The following PDE10A variants were observed in gnomAD, a reference collection of about 807,000 sequenced individuals.
PDE10A encodes the protein phosphodiesterase 10A.
PDE10A carries 39 observed loss-of-function variants against 97.7 expected under a neutral mutation model. The observed-to-expected ratio is 0.40, with a 90% CI of 0.31 to 0.52. PDE10A has a LOEUF of 0.52. Among genes scored for constraint, PDE10A ranks in the 20% least tolerant of loss-of-function variants. The pLI, the probability that PDE10A is intolerant of heterozygous loss-of-function variation, is 0.56. For missense variants in PDE10A, 731 were observed against 1,047.8 expected, an observed-to-expected ratio of 0.70 and a Z score of 4.17; for synonymous variants, 371 against 376.8, an observed-to-expected ratio of 0.98 and a Z score of 0.18.
chr6:165,459,514 T>TAGAC (rs1778173515), intron 3 of PDE10A, among the ~76,000 whole-genome samples: 2 of 64,192 alleles, frequency 3.1e-5, no homozygotes, highest in South Asian at 1.0e-3. Context: ...GATAGATAGA[T>TAGAC]AGATAGATAG....
intron 2 of PDE10A, among the ~76,000 whole-genome samples, chr6:165,507,104 TTTCCCTACCC>T (rs1483774301): frequency 1.3e-5 from 2 of 152,168 alleles, no homozygotes; most frequent in Non-Finnish European, 2.9e-5. Flanking sequence ...TTTATTTCTG[TTTCCCTACCC>T]TGTACTTGTG....
At chr6:165,591,760 A>C (rs1168001226) in intron 1 of PDE10A, among the ~76,000 whole-genome samples, 1 of 152,210 alleles carries the variant, frequency 6.6e-6, no homozygotes, top group Non-Finnish European at 1.5e-5. Context: ...GATATAATCT[A>C]CCTGACATTG....
intron 1 of PDE10A, among the ~76,000 whole-genome samples, chr6:165,560,695 CTGTAACTGCTGACAGTTGTCA>C (rs1384299197): frequency 6.6e-6 from 1 of 152,194 alleles, no homozygotes; most frequent in African/African-American, 2.4e-5. Context: ...TAAGCAAAAA[CTGTAACTGCTGACAGTTGTCA>C]AGTTGTAATC....
At chr6:165,623,526 C>T (rs544056700) in intron 1 of PDE10A, among the ~76,000 whole-genome samples, 1 of 151,918 alleles carries the variant, frequency 6.6e-6, no homozygotes, top group African/African-American at 2.4e-5. Flanking sequence ...ACAGATAAAC[C>T]TAAACATTCT....
chr6:165,572,046 T>A (rs1013758845), intron 1 of PDE10A, among the ~76,000 whole-genome samples: 3 of 152,212 alleles, frequency 2.0e-5, no homozygotes, highest in African/African-American at 7.2e-5. Context: ...TCCGCTTATC[T>A]TTACATCAGA....
chr6:165,618,495 T>C (rs1371203944), intron 1 of PDE10A, among the ~76,000 whole-genome samples: 1 of 152,160 alleles, frequency 6.6e-6, no homozygotes, highest in East Asian at 1.9e-4. Context: ...CACACAGACA[T>C]GGCCCGCCCA....
chr6:165,816,882 C>T (rs1474873014), intron 1 of PDE10A, among the ~76,000 whole-genome samples: 1 of 152,006 alleles, frequency 6.6e-6, no homozygotes, highest in African/African-American at 2.4e-5. Context: ...TGGAAGAGTG[C>T]AGGCAGGAAG....
Position 165,662,167 on chromosome 6 carries a change from C to A in PDE10A, c.645G>T (p.Pro215=). 3.2e-6 allele frequency: 1 copy of A among 317,220 alleles called. No individual in the cohort carries two copies. The highest frequency in any genetic ancestry group is 4.5e-6 in the Non-Finnish European group (1 of 221,126). The allele number at this position is 317,220 out of a possible 1,614,324, so 19.7% of individuals were successfully genotyped here. A position where few individuals can be genotyped will look rare whatever the true frequency, so the allele number is the denominator to read the frequency against. ...CCTGGCCAAGGGGGAGCCGGGGCGG[C>A]GGCGGCGGCCGGGGACCGGCACGGG... ...LPARAGPRPP[P]PPRLPLGQAA... The change falls in exon 1 of 22, where the codon CCG becomes CCT. Residue 215 remains proline (P), a synonymous_variant. Coordinates refer to ENST00000539869, the MANE Select transcript of PDE10A (RefSeq NM_001385079.1).
rs1183755232 is a variant in PDE10A at position 165,418,902 on chromosome 6, A to G, written c.1654-125T>C. 1.5e-6 allele frequency: 1 copy of G among 677,746 alleles called. No individual in the cohort carries two copies. The highest frequency in any genetic ancestry group is 2.9e-5 in the Admixed American group (1 of 34,926). The allele number at this position is 677,746 out of a possible 1,614,324, so 42.0% of individuals were successfully genotyped here. A position where few individuals can be genotyped will look rare whatever the true frequency, so the allele number is the denominator to read the frequency against. The stretch of plus-strand genomic sequence containing the variant: ...ACTCTAATTGGTTGGTATTAGCATT[A>G]TAAGTAAATAAATATACAAGTATAT... On this transcript the variant is annotated intron_variant, in intron 10 of 21. Transcript: ENST00000539869. This position sits in a 1 kb window ranked among gnomAD's most constrained non-coding sequence, Gnocchi z 4.8.
At chr6:165,527,095 TA>T (rs1353500718) in intron 2 of PDE10A, among the ~76,000 whole-genome samples, 1 of 152,184 alleles carries the variant, frequency 6.6e-6, no homozygotes, top group Admixed American at 6.5e-5. Context: ...CTAACCTCAG[TA>T]AAATTTCTAG....
chr6:165,590,760 G>A (rs1287233669), intron 1 of PDE10A, among the ~76,000 whole-genome samples: 3 of 152,086 alleles, frequency 2.0e-5, no homozygotes, highest in African/African-American at 2.4e-5. Flanking sequence ...GCATGGTGGC[G>A]GGCGCCTGTA....
At chr6:165,360,430 C>A (rs1443867316) in intron 18 of PDE10A, among the ~76,000 whole-genome samples, 1 of 152,176 alleles carries the variant, frequency 6.6e-6, no homozygotes, top group Non-Finnish European at 1.5e-5. Context: ...TTATCCTCAA[C>A]TGGATAAATG....
intron 1 of PDE10A, among the ~76,000 whole-genome samples, chr6:165,613,103 T>A (rs1019072748): frequency 2.6e-5 from 4 of 152,240 alleles, no homozygotes; most frequent in Non-Finnish European, 2.9e-5. Context: ...TACTTTAAAC[T>A]AGAAAACAAA....
intron 1 of PDE10A, among the ~76,000 whole-genome samples, chr6:165,921,777 T>C (rs1284030627): frequency 1.3e-5 from 2 of 152,134 alleles, no homozygotes; most frequent in African/African-American, 2.4e-5. Context: ...AGAAAGTGGG[T>C]GCAGAAGGGC....
intron 2 of PDE10A, among the ~76,000 whole-genome samples, chr6:165,505,383 A>G (rs1354534585): frequency 6.6e-6 from 1 of 152,194 alleles, no homozygotes; most frequent in Non-Finnish European, 1.5e-5. Context: ...AACTACTCAC[A>G]TTTCTTATAA....
chr6:165,612,084 A>C (rs1787519362), intron 1 of PDE10A, among the ~76,000 whole-genome samples: 1 of 152,256 alleles, frequency 6.6e-6, no homozygotes, highest in South Asian at 2.1e-4. Context: ...AATCATTATT[A>C]ACGACAAGTA....
chr6:165,828,057 C>T (rs553551192), intron 1 of PDE10A, among the ~76,000 whole-genome samples: 2 of 152,238 alleles, frequency 1.3e-5, no homozygotes, highest in African/African-American at 2.4e-5. Context: ...GATGCTCAGG[C>T]CAGGAGCCTA....
At chr6:165,754,775 T>C (rs906161000) in intron 1 of PDE10A, among the ~76,000 whole-genome samples, 2 of 152,192 alleles carry the variant, frequency 1.3e-5, no homozygotes, top group African/African-American at 2.4e-5. Context: ...TAGTCCCTTA[T>C]TGATTATGTT....
At chr6:165,950,767 G>A (rs1052338869) in intron 1 of PDE10A, among the ~76,000 whole-genome samples, 1 of 152,148 alleles carries the variant, frequency 6.6e-6, no homozygotes, top group Non-Finnish European at 1.5e-5. Flanking sequence ...AAAAAAAAGG[G>A]GAGATCTGCT....
Sources: gnomAD v4.1 joint callset for allele counts (sites outside exome capture counted in the v4.1 genomes callset) on GRCh38, gnomAD v4.1.1 for gene constraint, Gnocchi (gnomAD v3.1) non-coding constraint, MANE v1.5 for transcripts, NCBI Gene and HGNC (gene_info 2026-07-23, HGNC 2026-07-21) for gene names.